Variants in CHCHD3 observed in about 807,000 individuals in gnomAD.
CHCHD3 encodes the protein MICOS complex subunit MIC19.
Under a neutral mutation model 38.2 loss-of-function variants are expected in CHCHD3, and 20 were observed. The observed-to-expected ratio is 0.52, with a 90% CI of 0.37 to 0.76. The LOEUF (loss-of-function observed/expected upper bound fraction) is 0.76. CHCHD3 is among the 30% of genes least tolerant of loss of function. CHCHD3 has a pLI of 0.00. For missense variants in CHCHD3, 245 were observed against 279.2 expected, an observed-to-expected ratio of 0.88 and a Z score of 0.87; for synonymous variants, 82 against 100.0, an observed-to-expected ratio of 0.82 and a Z score of 1.07.
chr7:132,931,990 C>T (rs948656823), intron 4 of CHCHD3, among the ~76,000 whole-genome samples: 3 of 152,114 alleles, frequency 2.0e-5, no homozygotes, highest in African/African-American at 7.2e-5. Flanking sequence ...GAGTTGCAAA[C>T]CCAAGGGACC....
intron 4 of CHCHD3, among the ~76,000 whole-genome samples, chr7:132,971,952 G>A (rs1811623603): frequency 6.7e-6 from 1 of 149,330 alleles, no homozygotes; most frequent in Admixed American, 6.6e-5. Context: ...CACCTCTCCA[G>A]CTGGGGATCA....
At chr7:133,065,959 A>G (rs1476594007) in intron 2 of CHCHD3, among the ~76,000 whole-genome samples, 1 of 152,142 alleles carries the variant, frequency 6.6e-6, no homozygotes, top group Admixed American at 6.5e-5. Context: ...AGCCTTGTTG[A>G]GTCTTTTTCA....
rs566973375 is a variant in CHCHD3 at position 133,070,083 on chromosome 7, C to T, written c.169+59G>A. ...ATGCTAGAGAACTTGACTATTGAGT[C>T]AACTTTTTCCACTTATAATTTATCT... On this transcript the variant is annotated intron_variant, in intron 2 of 7. Coordinates refer to ENST00000262570, the MANE Select transcript of CHCHD3 (RefSeq NM_017812.4). 1.7e-5 allele frequency: 22 copies of T among 1,306,274 alleles called. No homozygotes were observed. The East Asian group carries it at 5.0e-4, about 29-fold the overall frequency. 80.9% of individuals were successfully genotyped at this position (1,306,274 alleles called of 1,614,324 possible). A position where few individuals can be genotyped will look rare whatever the true frequency, so the allele number is the denominator to read the frequency against.
chr7:132,894,854 C>T (rs145167524), intron 4 of CHCHD3, among the ~76,000 whole-genome samples: 1 of 151,860 alleles, frequency 6.6e-6, no homozygotes, highest in Non-Finnish European at 1.5e-5. Context: ...ATTATGTAAG[C>T]TCTGAATTAG....
chr7:132,979,162 A>G (rs1180131323), intron 3 of CHCHD3, among the ~76,000 whole-genome samples: 1 of 152,198 alleles, frequency 6.6e-6, no homozygotes, highest in African/African-American at 2.4e-5. Flanking sequence ...CTATACCTTA[A>G]ACATATTATT....
At chr7:132,876,241 C>A (rs1399179145) in intron 5 of CHCHD3, among the ~76,000 whole-genome samples, 1 of 152,102 alleles carries the variant, frequency 6.6e-6, no homozygotes, top group East Asian at 1.9e-4. Flanking sequence ...GAAGAAAATT[C>A]AAAGGATTTA....
At chr7:132,881,679 T>C (rs1212037204) in intron 5 of CHCHD3, among the ~76,000 whole-genome samples, 1 of 152,212 alleles carries the variant, frequency 6.6e-6, no homozygotes, top group East Asian at 1.9e-4. Flanking sequence ...CAACCTGGAT[T>C]TCCTAGTAAG....
intron 5 of CHCHD3, among the ~76,000 whole-genome samples, chr7:132,842,315 C>T (rs9649043): frequency 0.46 from 69,594 of 151,826 alleles, 16,302 homozygotes; most frequent in South Asian, 0.51. Flanking sequence ...ACTAAGCAAA[C>T]ATACTCTCTT....
At chr7:133,067,546 G>A (rs181280190) in intron 2 of CHCHD3, among the ~76,000 whole-genome samples, 4 of 152,292 alleles carry the variant, frequency 2.6e-5, no homozygotes, top group Admixed American at 2.6e-4. Flanking sequence ...AGGAAGCAAA[G>A]GTATATTTAT....
intron 2 of CHCHD3, among the ~76,000 whole-genome samples, chr7:133,042,482 A>G (rs1439461005): frequency 1.3e-5 from 2 of 152,208 alleles, no homozygotes; most frequent in Non-Finnish European, 2.9e-5. Flanking sequence ...AGATGTAGGG[A>G]GCTTGGCATC....
chr7:132,893,995 A>T (rs1178510800), intron 4 of CHCHD3, among the ~76,000 whole-genome samples: 1 of 152,242 alleles, frequency 6.6e-6, no homozygotes, highest in Non-Finnish European at 1.5e-5. Context: ...ATAAGAATGC[A>T]GAGCCAAAAA....
At chr7:132,912,328 G>C (rs954445454) in intron 4 of CHCHD3, among the ~76,000 whole-genome samples, 1 of 152,184 alleles carries the variant, frequency 6.6e-6, no homozygotes, top group Non-Finnish European at 1.5e-5. Flanking sequence ...CCTGGCCCAA[G>C]GTTCTGATCT....
intron 4 of CHCHD3, among the ~76,000 whole-genome samples, chr7:132,958,876 T>C (rs2117302095): frequency 6.6e-6 from 1 of 152,306 alleles, no homozygotes; most frequent in Middle Eastern, 3.4e-3. Context: ...GGTAGCAAAA[T>C]AGTATCTGAC....
intron 3 of CHCHD3, among the ~76,000 whole-genome samples, chr7:132,984,519 C>T (rs1318719300): frequency 1.2e-4 from 17 of 146,620 alleles, no homozygotes; most frequent in African/African-American, 4.3e-4. Context: ...TCTGCCTGGC[C>T]GCCCATCGTC....
intron 4 of CHCHD3, among the ~76,000 whole-genome samples, chr7:132,968,579 A>G (rs1008666212): frequency 6.6e-6 from 1 of 152,240 alleles, no homozygotes; most frequent in Non-Finnish European, 1.5e-5. Flanking sequence ...CACAACATAC[A>G]TAACCAGAGA....
chr7:132,977,512 G>A (rs545623605), intron 3 of CHCHD3, among the ~76,000 whole-genome samples: 1 of 152,134 alleles, frequency 6.6e-6, no homozygotes, highest in East Asian at 1.9e-4. Flanking sequence ...TGTATTTAAC[G>A]CATTTGTATG....
chr7:132,926,395 C>T (rs1482603296), intron 4 of CHCHD3, among the ~76,000 whole-genome samples: 1 of 152,136 alleles, frequency 6.6e-6, no homozygotes, highest in African/African-American at 2.4e-5. Flanking sequence ...TTCAGAGTTA[C>T]ATGTTGAAAA....
chr7:132,892,710 C>T (rs1330504946), intron 4 of CHCHD3, among the ~76,000 whole-genome samples: 2 of 152,136 alleles, frequency 1.3e-5, no homozygotes, highest in East Asian at 3.9e-4. Flanking sequence ...GGACTTGGTG[C>T]CCTGAGTCCC....
At position 132,787,785 on chromosome 7, in the gene CHCHD3, A is replaced by G. The variant is rs975525562; in HGVS notation, c.661-2125T>C. ...TATAGGTTTCTAAGAAGTCTATGTC[A>G]TAGGGCACAAAAGAACAGATATAAA... On this transcript the variant is annotated intron_variant, in intron 7 of 7. Transcript: ENST00000262570. Among the ~76,000 whole-genome samples the G allele has an allele frequency of 5.3e-5, 8 of 152,232 alleles. 1 individual carries two copies. The highest frequency in any genetic ancestry group is 1.9e-4 in the African/African-American group (8 of 41,458).
Sources: gnomAD v4.1 joint callset for allele counts (sites outside exome capture counted in the v4.1 genomes callset) on GRCh38, gnomAD v4.1.1 for gene constraint, MANE v1.5 for transcripts, NCBI Gene and HGNC (gene_info 2026-07-23, HGNC 2026-07-21) for gene names.